SMC2: variants seen among roughly 807,000 people sequenced by gnomAD.
SMC2 encodes the protein structural maintenance of chromosomes 2, also known as structural maintenance of chromosomes protein 2.
Under a neutral mutation model 142.6 loss-of-function variants are expected in SMC2, and 41 were observed. The ratio of observed to expected loss-of-function variants is 0.29; its 90% confidence interval spans 0.22 to 0.37. The LOEUF is 0.37. Ranked by LOEUF, SMC2 falls within the 10% of genes least tolerant of loss-of-function variation. The pLI, the probability that SMC2 is intolerant of heterozygous loss-of-function variation, is 1.00. For missense variants in SMC2, 1,265 were observed against 1,373.7 expected (o/e 0.92, Z 1.25); for synonymous variants, 463 against 457.5 (o/e 1.01, Z -0.15).
rs181793444 is a variant in SMC2, at chr9:104,095,548, C to G, written c.164C>G (p.Ser55Cys). ...ICFLLGISNL[S>C]QVRASNLQDL... ...TTTTTGCTGGGCATCTCCAACCTGT[C>G]TCAGGTAAAGTGTAAACTTTCTGAT... is the stretch of plus-strand genomic sequence containing the variant. Residue 55 changes from serine (S) to cysteine (C), a missense_variant, in exon 2 of 25, where the codon TCT becomes TGT. Around this residue, in one of 4 missense-constraint regions of SMC2, gnomAD observed 168 missense variants for 184.8 expected, o/e 0.91. Coordinates refer to ENST00000374793, the MANE Select transcript of SMC2 (RefSeq NM_006444.3). 51 of 1,612,706 alleles carry G rather than the reference C, an allele frequency of 3.2e-5. No individual in the cohort carries two copies. In the Admixed American group the frequency reaches 6.8e-4, roughly 22 times the overall value.
At position 104,130,864 on chromosome 9, in the gene SMC2, C is replaced by T. The variant is rs1271533656; in HGVS notation, c.2991+1019C>T. Among the ~76,000 whole-genome samples the T allele has an allele frequency of 2.0e-5, 3 of 152,100 alleles. No homozygotes were observed. The East Asian group carries it at 5.8e-4, about 29-fold the overall frequency. ...TTTTTTTCAAAAGAATTTATCAACT[C>T]CCATCTCTTTACCAGAGGAGAAGCC... On this transcript the variant is annotated intron_variant, in intron 21 of 24. Coordinates refer to ENST00000374793, the MANE Select transcript of SMC2 (RefSeq NM_006444.3).
upstream of SMC2, among the ~76,000 whole-genome samples, chr9:104,091,854 C>T (rs1298795172): frequency 4.6e-5 from 2 of 43,610 alleles, no homozygotes; most frequent in African/African-American, 1.5e-4. Flanking sequence ...TATGTGTGTC[C>T]TTGCTGGTAC....
intron 20 of SMC2, among the ~76,000 whole-genome samples, chr9:104,129,146 C>T (rs915136400): frequency 2.0e-5 from 3 of 152,078 alleles, no homozygotes; most frequent in African/African-American, 7.2e-5. Flanking sequence ...TGTCTTGTTT[C>T]TGTAGTCTGT....
chr9:104,098,990 C>T (rs1451828227), intron 4 of SMC2, among the ~76,000 whole-genome samples: 1 of 151,974 alleles, frequency 6.6e-6, no homozygotes, highest in Non-Finnish European at 1.5e-5. Context: ...TTCATTTGAC[C>T]CATCCAGCTG....
intron 9 of SMC2, among the ~76,000 whole-genome samples, chr9:104,104,978 G>A (rs376235548): frequency 2.0e-5 from 3 of 152,182 alleles, no homozygotes; most frequent in South Asian, 4.1e-4. Context: ...AGGATCCTTC[G>A]GACCTGCTTC....
intron 13 of SMC2, 78 bp from the exon 14 acceptor site, chr9:104,116,122 A>G: frequency 7.9e-7 from 1 of 1,271,586 alleles, no homozygotes; most frequent in Non-Finnish European, 1.1e-6. Flanking sequence ...TTCATTTATT[A>G]TAGACTACTA....
At chr9:104,102,333 TAAAA>T (rs1260356036) in intron 8 of SMC2, 87 bp from the exon 9 acceptor site, 1 of 1,266,196 alleles carries the variant, frequency 7.9e-7, no homozygotes, top group South Asian at 1.5e-5. Flanking sequence ...AAATAACTTA[TAAAA>T]AAGTGTTTGA....
chr9:104,109,938 T>G (rs2131371043), intron 9 of SMC2, among the ~76,000 whole-genome samples: 1 of 152,334 alleles, frequency 6.6e-6, no homozygotes, highest in East Asian at 1.9e-4. Context: ...AGATGCAATA[T>G]TAAATGATAA....
At chr9:104,102,331 TATAAA>T (rs1831242719) in intron 8 of SMC2, 88 bp from the exon 9 acceptor site, 7 of 1,246,506 alleles carry the variant, frequency 5.6e-6, no homozygotes, top group South Asian at 1.5e-5. Context: ...TGAAATAACT[TATAAA>T]AAAGTGTTTG....
chr9:104,133,079 G>A (rs145335826), intron 22 of SMC2, among the ~76,000 whole-genome samples: 1 of 152,186 alleles, frequency 6.6e-6, no homozygotes, highest in East Asian at 1.9e-4. Flanking sequence ...CTGGCTTCAG[G>A]CTTACTTGAT....
At chr9:104,116,456 C>A in intron 14 of SMC2, 137 bp downstream of exon 14, 3 of 681,886 alleles carry the variant, frequency 4.4e-6, no homozygotes, top group South Asian at 2.1e-5. Context: ...TTGGCTTGTG[C>A]AATTAGATGA....
chr9:104,106,063 T>C (rs1489088742), intron 9 of SMC2, among the ~76,000 whole-genome samples: 1 of 152,214 alleles, frequency 6.6e-6, no homozygotes, highest in Non-Finnish European at 1.5e-5. Context: ...AATGCCCTAG[T>C]CGGATGTTGG....
At chr9:104,134,039 TGAG>T (rs1299915145) in intron 22 of SMC2, among the ~76,000 whole-genome samples, 2 of 152,182 alleles carry the variant, frequency 1.3e-5, no homozygotes, top group Non-Finnish European at 2.9e-5. Flanking sequence ...GTGTGTATCT[TGAG>T]GATTCCTGCA....
chr9:104,116,443 G>A (rs1833128565), intron 14 of SMC2, 124 bp downstream of exon 14: 1 of 891,942 alleles, frequency 1.1e-6, no homozygotes, highest in South Asian at 1.9e-5. Context: ...CAAAAAAATT[G>A]GGTTGGCTTG....
intron 9 of SMC2, among the ~76,000 whole-genome samples, chr9:104,109,686 T>C (rs1421423054): frequency 6.6e-6 from 1 of 152,202 alleles, no homozygotes; most frequent in Non-Finnish European, 1.5e-5. Context: ...TGGAAAATTA[T>C]TTGGAGGTTT....
In SMC2 at chr9:104,113,372, TAAG is replaced by T; in HGVS notation, c.1316_1318del (p.Lys439del). 1 of 1,611,964 alleles carries T rather than the reference TAAG, an allele frequency of 6.2e-7. No homozygotes were observed. The highest frequency in any genetic ancestry group is 8.5e-7 in the Non-Finnish European group (1 of 1,178,892). On this transcript the variant is annotated inframe_deletion, in exon 11 of 25. Coordinates refer to ENST00000374793, the MANE Select transcript of SMC2 (RefSeq NM_006444.3). ...AATTAAAGAATAAACAAGCTGAAGTTAAGAAGATGGATAGTGGCTACAGGAAGG... is the reference window on the plus strand; with the variant it reads ...AATTAAAGAATAAACAAGCTGAAGTTAAGATGGATAGTGGCTACAGGAAGG...
intron 16 of SMC2, 54 bp downstream of exon 16, chr9:104,120,216 A>G: frequency 6.9e-7 from 1 of 1,458,760 alleles, no homozygotes; most frequent in South Asian, 1.3e-5. Context: ...AGAAAATGAT[A>G]GAAAATTTAC....
chr9:104,129,518 A>AG (rs1554706861), intron 20 of SMC2, 127 bp from the exon 21 acceptor site: 1 of 727,300 alleles, frequency 1.4e-6, no homozygotes, highest in African/African-American at 2.3e-5. Flanking sequence ...AAAAAAAAAA[A>AG]TTAGTCATTG....
At chr9:104,123,295 G>T (rs773114758) in intron 17 of SMC2, 63 bp downstream of exon 17, 6 of 1,514,252 alleles carry the variant, frequency 4.0e-6, no homozygotes, top group Non-Finnish European at 5.4e-6. Flanking sequence ...CTTACTTTAG[G>T]TATCTTCTCT....
Sources: gnomAD v4.1 joint callset for allele counts (sites outside exome capture counted in the v4.1 genomes callset) on GRCh38, gnomAD v4.1.1 for gene constraint, gnomAD v4.1.1 regional missense constraint, MANE v1.5 for transcripts, NCBI Gene and HGNC (gene_info 2026-07-23, HGNC 2026-07-21) for gene names.